The following XKR4 variants were observed in gnomAD, a reference collection of about 807,000 sequenced individuals.
XKR4 encodes the protein XK-related protein 4.
A neutral mutation model predicts 53.9 loss-of-function variants in XKR4; 12 were observed. That is an observed-to-expected ratio of 0.22 (90% confidence interval 0.14 to 0.36). The LOEUF is 0.36. Ranked by LOEUF, XKR4 falls within the 10% of genes least tolerant of loss-of-function variation. The probability of loss-of-function intolerance (pLI) is 1.00; values close to 1 mark genes in which losing one functional copy is unlikely to be tolerated. For synonymous variants in XKR4, 354 were observed against 362.4 expected, an observed-to-expected ratio of 0.98 and a Z score of 0.26; for missense variants, 799 against 859.5, an observed-to-expected ratio of 0.93 and a Z score of 0.88.
At chr8:55,116,890 G>C (rs1317157490) in intron 1 of XKR4, among the ~76,000 whole-genome samples, 5 of 152,108 alleles carry the variant, frequency 3.3e-5, no homozygotes, top group Non-Finnish European at 1.5e-5. Context: ...CCATATGCTT[G>C]CTACTACCCA....
intron 2 of XKR4, among the ~76,000 whole-genome samples, chr8:55,443,501 T>C (rs1355431507): frequency 7.3e-6 from 1 of 137,108 alleles, no homozygotes; most frequent in East Asian, 2.1e-4. Flanking sequence ...AACAATACTG[T>C]TTGTTTGTAG....
At position 55,527,596 on chromosome 8, in the gene XKR4, T is replaced by C. The variant is rs1449673796; in HGVS notation, c.*3369T>C. On this transcript the variant is annotated 3_prime_UTR_variant, in exon 3 of 3. Coordinates refer to ENST00000327381, the MANE Select transcript of XKR4 (RefSeq NM_052898.2). ...TTTCCATGTAAGTCAAAGTTTAGTCTCCCAAAATGACTATGTCCTTTAAAT... is the reference window on the plus strand; with the variant it reads ...TTTCCATGTAAGTCAAAGTTTAGTCCCCCAAAATGACTATGTCCTTTAAAT... 6.6e-6 allele frequency: 1 copy of C among 152,222 alleles called. No homozygotes were observed. The highest frequency in any genetic ancestry group is 2.4e-5 in the African/African-American group (1 of 41,466). 9.4% of individuals were successfully genotyped at this position (152,222 alleles called of 1,614,324 possible). A position where few individuals can be genotyped will look rare whatever the true frequency, so the allele number is the denominator to read the frequency against.
At chr8:55,131,546 C>T (rs1487871834) in intron 1 of XKR4, among the ~76,000 whole-genome samples, 2 of 152,204 alleles carry the variant, frequency 1.3e-5, no homozygotes, top group Admixed American at 6.5e-5. Flanking sequence ...TAAGAGTCCT[C>T]TCGCCTTGCA....
At chr8:55,245,371 T>G (rs1006437451) in intron 1 of XKR4, among the ~76,000 whole-genome samples, 2 of 152,088 alleles carry the variant, frequency 1.3e-5, no homozygotes, top group African/African-American at 4.8e-5. Flanking sequence ...TCATTCATAT[T>G]CTTTTTGTAG....
intron 2 of XKR4, among the ~76,000 whole-genome samples, chr8:55,370,225 G>A (rs994532619): frequency 2.6e-5 from 4 of 152,136 alleles, no homozygotes; most frequent in African/African-American, 4.8e-5. Flanking sequence ...TGACTATGAA[G>A]AGCTCTGTAA....
chr8:55,334,519 T>C (rs150361524), intron 1 of XKR4, among the ~76,000 whole-genome samples: 1 of 152,240 alleles, frequency 6.6e-6, no homozygotes, highest in East Asian at 1.9e-4. Context: ...CACTTAGTGT[T>C]TTAACCAGCC....
chr8:55,370,747 G>A (rs140123316), intron 2 of XKR4, among the ~76,000 whole-genome samples: 1 of 152,238 alleles, frequency 6.6e-6, no homozygotes. Context: ...CTCCCTGCCA[G>A]GAGCTGGAAA....
At chr8:55,420,528 C>T (rs539902529) in intron 2 of XKR4, among the ~76,000 whole-genome samples, 2 of 148,240 alleles carry the variant, frequency 1.3e-5, no homozygotes, top group African/African-American at 2.6e-5. Context: ...AGTAAACTAT[C>T]GCAAGAACAA....
At chr8:55,135,135 A>C (rs1423831744) in intron 1 of XKR4, 2 of 153,014 alleles carry the variant, frequency 1.3e-5, no homozygotes, top group South Asian at 2.0e-4. Context: ...GTACCAACCT[A>C]ATATACATGT....
intron 1 of XKR4, chr8:55,272,863 A>G (rs1261159900): frequency 4.5e-6 from 2 of 446,734 alleles, no homozygotes. Context: ...AATTAGCTGT[A>G]GAATGACTTC....
At chr8:55,110,645 C>T (rs1816218759) in intron 1 of XKR4, among the ~76,000 whole-genome samples, 2 of 152,152 alleles carry the variant, frequency 1.3e-5, no homozygotes, top group Admixed American at 1.3e-4. Context: ...GCTAGTTACA[C>T]TCTGAGAAAA....
chr8:55,145,224 A>G (rs997821374), intron 1 of XKR4, among the ~76,000 whole-genome samples: 3 of 152,268 alleles, frequency 2.0e-5, no homozygotes, highest in Admixed American at 1.3e-4. Context: ...TCCTGTGGTC[A>G]TCACGTTGGT....
At chr8:55,447,153 C>G (rs969967693) in intron 2 of XKR4, among the ~76,000 whole-genome samples, 6 of 151,902 alleles carry the variant, frequency 3.9e-5, no homozygotes, top group Non-Finnish European at 8.8e-5. Context: ...CTGGACAGGA[C>G]CTTTATGATC....
chr8:55,452,585 C>A, intron 2 of XKR4: 1 of 909,236 alleles, frequency 1.1e-6, no homozygotes, highest in Non-Finnish European at 1.8e-6. Flanking sequence ...CCCGCTGCAC[C>A]GCCTCCAGGG....
chr8:55,327,914 C>G (rs1251271678), intron 1 of XKR4, among the ~76,000 whole-genome samples: 1 of 152,160 alleles, frequency 6.6e-6, no homozygotes, highest in Non-Finnish European at 1.5e-5. Context: ...AAATTAGATA[C>G]AGCTTTGTGA....
In XKR4 at chr8:55,414,614, G is replaced by T. The variant is rs187951523; in HGVS notation, c.1006+56737G>T. Among the ~76,000 whole-genome samples the T allele has an allele frequency of 3.6e-4, 54 of 151,292 alleles. No homozygotes were observed. In the East Asian group the frequency reaches 0.01, roughly 28 times the overall value. On this transcript the variant is annotated intron_variant, in intron 2 of 2. Coordinates refer to ENST00000327381, the MANE Select transcript of XKR4 (RefSeq NM_052898.2). ...ATGTACTATATTCTATTTAAGTCCA[G>T]CCCACAACTAAGGAAAGGACATTTC... is the stretch of plus-strand genomic sequence containing the variant.
intron 1 of XKR4, among the ~76,000 whole-genome samples, chr8:55,316,791 G>A (rs1457787422): frequency 6.6e-6 from 1 of 152,138 alleles, no homozygotes; most frequent in African/African-American, 2.4e-5. Context: ...AGATGACTCA[G>A]AGGCATTATG....
chr8:55,248,817 C>G (rs1370418425), intron 1 of XKR4, among the ~76,000 whole-genome samples: 2 of 152,044 alleles, frequency 1.3e-5, no homozygotes, highest in African/African-American at 4.8e-5. Context: ...GCTGGAGTCT[C>G]AGAGTGTCCC....
chr8:55,495,460 T>C (rs1416694564), intron 2 of XKR4, among the ~76,000 whole-genome samples: 2 of 152,224 alleles, frequency 1.3e-5, no homozygotes, highest in African/African-American at 2.4e-5. Context: ...CCTCACAGCC[T>C]GTGGCAGGTG....
Sources: gnomAD v4.1 joint callset for allele counts (sites outside exome capture counted in the v4.1 genomes callset) on GRCh38, gnomAD v4.1.1 for gene constraint, MANE v1.5 for transcripts, NCBI Gene and HGNC (gene_info 2026-07-23, HGNC 2026-07-21) for gene names.